The following WDR47 variants were observed in gnomAD, a reference collection of about 807,000 sequenced individuals.
WDR47 encodes WD repeat domain 47.
In WDR47, 32 loss-of-function variants were observed where a neutral mutation model predicts 97.2. That is an observed-to-expected ratio of 0.33 (90% CI 0.25 to 0.44). The LOEUF is 0.44. Among genes scored for constraint, WDR47 ranks in the 20% least tolerant of loss-of-function variants. The pLI, the probability that WDR47 is intolerant of heterozygous loss-of-function variation, is 1.00. For synonymous variants in WDR47, 375 were observed against 373.5 expected (o/e 1.00, Z -0.05); for missense variants, 782 against 1,102.3 (o/e 0.71, Z 4.11).
chr1:109,035,721 C>A (rs1662899344), intron 1 of WDR47, among the ~76,000 whole-genome samples: 1 of 152,002 alleles, frequency 6.6e-6, no homozygotes, highest in Non-Finnish European at 1.5e-5. Flanking sequence ...GTCTCGAACT[C>A]CCGACCTCAG....
At chr1:109,034,340 T>C (rs1242754839) in intron 1 of WDR47, among the ~76,000 whole-genome samples, 1 of 152,196 alleles carries the variant, frequency 6.6e-6, no homozygotes, top group African/African-American at 2.4e-5. Flanking sequence ...TATAGAAACC[T>C]AGCCTGCAAA....
intron 1 of WDR47, among the ~76,000 whole-genome samples, chr1:109,025,617 C>A (rs548797425): frequency 1.3e-5 from 2 of 151,842 alleles, no homozygotes; most frequent in Admixed American, 6.6e-5. Context: ...ACCTGTAATC[C>A]CAGCTACTTG....
intron 9 of WDR47, among the ~76,000 whole-genome samples, chr1:108,987,684 T>A (rs1020357620): frequency 1.3e-5 from 2 of 151,840 alleles, no homozygotes; most frequent in African/African-American, 4.8e-5. Flanking sequence ...GCCAGGCTGG[T>A]CTCAAACTCC....
At position 108,980,066 on chromosome 1, in the gene WDR47, A is replaced by T. The variant is rs138095358; in HGVS notation, c.2398+1667T>A. On this transcript the variant is annotated intron_variant, in intron 13 of 14. Transcript: ENST00000369962. ...ATCTAGGTTGCGTGCTCCTTATGAG[A>T]ATCTAATGCCTGATGATCTGCAGTG... is the stretch of plus-strand genomic sequence containing the variant. 6.7e-3 allele frequency among the ~76,000 whole-genome samples: 1,020 copies of T among 152,250 alleles called. 6 individuals are homozygous for T. The highest frequency in any genetic ancestry group is 0.023 in the African/African-American group (946 of 41,526).
chr1:109,019,483 G>C (rs940304546), intron 2 of WDR47, among the ~76,000 whole-genome samples: 1 of 151,924 alleles, frequency 6.6e-6, no homozygotes, highest in Admixed American at 6.6e-5. Context: ...TCAACTGGGG[G>C]TGATTTTGCA....
intron 2 of WDR47, among the ~76,000 whole-genome samples, chr1:109,022,038 G>C (rs1390636356): frequency 1.3e-5 from 2 of 151,882 alleles, no homozygotes; most frequent in Non-Finnish European, 2.9e-5. Flanking sequence ...AGTAGAGACG[G>C]GGTTTCACTA....
intron 2 of WDR47, among the ~76,000 whole-genome samples, chr1:109,020,684 AG>A (rs1384810379): frequency 6.6e-6 from 1 of 152,116 alleles, no homozygotes; most frequent in Non-Finnish European, 1.5e-5. Context: ...GTTAACTTCT[AG>A]GAGTATTAAT....
chr1:108,975,627 A>T (rs1055148135), intron 13 of WDR47, among the ~76,000 whole-genome samples: 8 of 151,912 alleles, frequency 5.3e-5, no homozygotes, highest in South Asian at 2.1e-4. Flanking sequence ...TCTCAAAAAA[A>T]AATAATAAAT....
Position 109,023,152 on chromosome 1 carries a change from G to A in WDR47, c.158+203C>T, listed in dbSNP as rs201131171. Among the ~76,000 whole-genome samples, 51 of 151,898 alleles carry A rather than the reference G, an allele frequency of 3.4e-4. No individual in the cohort carries two copies. In the East Asian group the frequency reaches 7.2e-3, roughly 21 times the overall value. On this transcript the variant is annotated intron_variant, in intron 2 of 14. Coordinates refer to ENST00000369962, the MANE Select transcript of WDR47 (RefSeq NM_001142551.2). ...CGGGAGGCGGAGCTTGCAGTGAGCCGACATCTCGCCACTGCACTCCAGCCT... is the reference window on the plus strand; with the variant it reads ...CGGGAGGCGGAGCTTGCAGTGAGCCAACATCTCGCCACTGCACTCCAGCCT...
At chr1:108,982,438 G>A (rs939222065) in intron 12 of WDR47, among the ~76,000 whole-genome samples, 171 bp downstream of exon 12, 5 of 152,078 alleles carry the variant, frequency 3.3e-5, no homozygotes, top group African/African-American at 7.2e-5. Context: ...GAGGCTGGGT[G>A]GGAGGATCAC....
chr1:108,982,507 G>A (rs1658424551), intron 12 of WDR47, 102 bp downstream of exon 12: 2 of 1,393,530 alleles, frequency 1.4e-6, no homozygotes, highest in African/African-American at 2.9e-5. Flanking sequence ...ACTCTGGACA[G>A]TAAGAGCAAG....
chr1:109,017,681 G>A, intron 2 of WDR47, 80 bp from the exon 3 acceptor site: 1 of 1,024,794 alleles, frequency 9.8e-7, no homozygotes, highest in Non-Finnish European at 1.5e-6. Flanking sequence ...TGACAAAACA[G>A]CATTCAAACT....
At chr1:108,989,175 G>A (rs187397300) in intron 9 of WDR47, among the ~76,000 whole-genome samples, 4 of 152,262 alleles carry the variant, frequency 2.6e-5, no homozygotes, top group Admixed American at 6.5e-5. Context: ...TGAAACCACC[G>A]TGTTACCCTG....
chr1:108,995,716 T>C lies in WDR47; in HGVS notation c.1555A>G (p.Ser519Gly). The C allele has an allele frequency of 1.2e-6, 2 of 1,614,156 alleles. No individual in the cohort carries two copies. The highest frequency in any genetic ancestry group is 1.7e-6 in the Non-Finnish European group (2 of 1,180,014). The stretch of plus-strand genomic sequence containing the variant: ...GAGTCTTGGGGTGGTGTAGTAAAAC[T>C]AGTCACAGAAGAACCATTAGATCCA... ...GNGSNGSSVT[S>G]FTTPPQDSSQ... The change falls in exon 8 of 15, where the codon AGT becomes GGT. Residue 519 changes from serine (S) to glycine (G), a missense_variant. Physicochemically the swap from Ser to Gly is moderately conservative, Grantham distance 56. Transcript: ENST00000369962.
chr1:109,018,364 C>T (rs1013899382), intron 2 of WDR47, among the ~76,000 whole-genome samples: 3 of 149,334 alleles, frequency 2.0e-5, no homozygotes, highest in African/African-American at 4.9e-5. Flanking sequence ...TGAACCTGGG[C>T]GGCAGAGGTT....
chr1:109,000,981 T>G (rs1350394142), intron 7 of WDR47, among the ~76,000 whole-genome samples: 3 of 152,138 alleles, frequency 2.0e-5, no homozygotes, highest in Non-Finnish European at 4.4e-5. Flanking sequence ...AAATATATAT[T>G]ATTTTATTGA....
intron 5 of WDR47, among the ~76,000 whole-genome samples, chr1:109,008,977 C>T (rs186665989): frequency 1.9e-4 from 29 of 151,366 alleles, no homozygotes; most frequent in Admixed American, 4.0e-4. Flanking sequence ...CCCAGCTACT[C>T]GGGAGGCTGA....
chr1:108,995,226 C>G (rs976620455), intron 8 of WDR47, among the ~76,000 whole-genome samples: 1 of 152,144 alleles, frequency 6.6e-6, no homozygotes, highest in Admixed American at 6.6e-5. Context: ...TTTCTATGCC[C>G]TGAAAGTCTG....
chr1:109,031,097 T>G (rs1662582980), intron 1 of WDR47, among the ~76,000 whole-genome samples: 1 of 139,866 alleles, frequency 7.1e-6, no homozygotes, highest in African/African-American at 2.6e-5. Context: ...TAAAGTCTGT[T>G]TAATAAGAAG....
Sources: gnomAD v4.1 joint callset for allele counts (sites outside exome capture counted in the v4.1 genomes callset) on GRCh38, gnomAD v4.1.1 for gene constraint, MANE v1.5 for transcripts, NCBI Gene and HGNC (gene_info 2026-07-23, HGNC 2026-07-21) for gene names.